The following EIPR1 variants were observed in gnomAD, a reference collection of about 807,000 sequenced individuals.
EIPR1 encodes the protein EARP complex and GARP complex interacting protein 1, also known as EARP and GARP complex-interacting protein 1.
A neutral mutation model predicts 48.1 loss-of-function variants in EIPR1; 25 were observed. That is an observed-to-expected ratio of 0.52 (90% CI 0.38 to 0.73). The LOEUF (loss-of-function observed/expected upper bound fraction) is 0.73, where lower values mean the gene tolerates loss of function less well. Among genes scored for constraint, EIPR1 ranks in the 30% least tolerant of loss-of-function variants. EIPR1 has a pLI of 0.00. For synonymous variants in EIPR1, 204 were observed against 201.9 expected, an observed-to-expected ratio of 1.01 and a Z score of -0.09; for missense variants, 415 against 506.2, an observed-to-expected ratio of 0.82 and a Z score of 1.73.
chr2:3,225,112 A>C (rs1311056711), intron 4 of EIPR1, among the ~76,000 whole-genome samples: 1 of 152,234 alleles, frequency 6.6e-6, no homozygotes, highest in East Asian at 1.9e-4. Context: ...CAATCAAAAC[A>C]AATTTGGAAA....
At chr2:3,289,185 C>T (rs1668294655) in intron 3 of EIPR1, among the ~76,000 whole-genome samples, 2 of 152,126 alleles carry the variant, frequency 1.3e-5, no homozygotes, top group South Asian at 2.1e-4. Context: ...ACCTCTTTGC[C>T]GCCTGCTTCC....
chr2:3,243,193 T>C (rs1224098663), intron 4 of EIPR1, among the ~76,000 whole-genome samples: 3 of 152,214 alleles, frequency 2.0e-5, no homozygotes, highest in South Asian at 4.1e-4. Context: ...AAAAGGAAGA[T>C]ACGGGCTGCA....
At chr2:3,214,600 G>A (rs1046530082) in intron 4 of EIPR1, 7 of 180,958 alleles carry the variant, frequency 3.9e-5, no homozygotes, top group East Asian at 1.5e-4. Context: ...CCCACTCATC[G>A]TCAGAGCCAG....
intron 3 of EIPR1, among the ~76,000 whole-genome samples, chr2:3,291,109 C>T (rs553829741): frequency 5.9e-5 from 9 of 152,168 alleles, no homozygotes; most frequent in Non-Finnish European, 7.3e-5. Context: ...GCCTCAGATG[C>T]GAGGCTGGAT....
intron 3 of EIPR1, among the ~76,000 whole-genome samples, chr2:3,265,718 G>T (rs1435157097): frequency 5.9e-5 from 9 of 152,206 alleles, no homozygotes; most frequent in Admixed American, 5.9e-4. Flanking sequence ...AACTGTGTCT[G>T]TGCCGACAGA....
intron 3 of EIPR1, among the ~76,000 whole-genome samples, chr2:3,294,408 T>C (rs1572405627): frequency 9.2e-6 from 1 of 108,956 alleles, no homozygotes; most frequent in Admixed American, 1.1e-4. Flanking sequence ...ACCCAGCCCA[T>C]CCTCTCCACA....
rs186834897 is a variant in EIPR1, at chr2:3,316,937, T to C, written c.259+21080A>G. ...CCACCAAGAGTCAGACGCACAGAAA[T>C]AGTGCATGTGTGAGCTGAGGATTCT... is the stretch of plus-strand genomic sequence containing the variant. On this transcript the variant is annotated intron_variant, in intron 3 of 8. Transcript: ENST00000382125. Among the ~76,000 whole-genome samples, 7 of 152,320 alleles carry C rather than the reference T, an allele frequency of 4.6e-5. No individual in the cohort carries two copies. In the East Asian group the frequency reaches 9.6e-4, roughly 21 times the overall value.
At chr2:3,368,350 C>A (rs1029242125) in intron 1 of EIPR1, among the ~76,000 whole-genome samples, 5 of 152,228 alleles carry the variant, frequency 3.3e-5, no homozygotes, top group Non-Finnish European at 7.3e-5. Context: ...AAGCCCAAGT[C>A]ATCATTGTCA....
At chr2:3,281,668 G>A (rs1009634242) in intron 3 of EIPR1, among the ~76,000 whole-genome samples, 1 of 152,176 alleles carries the variant, frequency 6.6e-6, no homozygotes, top group African/African-American at 2.4e-5. Flanking sequence ...GGTCAAGGCG[G>A]AAACAGCATT....
At chr2:3,252,107 T>C (rs1189380294) in intron 4 of EIPR1, among the ~76,000 whole-genome samples, 1 of 152,220 alleles carries the variant, frequency 6.6e-6, no homozygotes, top group Non-Finnish European at 1.5e-5. Context: ...GATATGGTTG[T>C]TGCAAAGCAT....
At chr2:3,226,842 A>T (rs1666081089) in intron 4 of EIPR1, among the ~76,000 whole-genome samples, 1 of 152,082 alleles carries the variant, frequency 6.6e-6, no homozygotes, top group Non-Finnish European at 1.5e-5. Context: ...GTCCCACAAG[A>T]TCTGATGGTT....
chr2:3,238,694 C>T (rs1410616262), intron 4 of EIPR1, among the ~76,000 whole-genome samples: 2 of 152,192 alleles, frequency 1.3e-5, no homozygotes, highest in Admixed American at 6.5e-5. Flanking sequence ...TTTGAACCTT[C>T]GCCGTTCATT....
At chr2:3,377,478 C>T (rs768841889) in intron 1 of EIPR1, 170 bp downstream of exon 1, 295 of 792,956 alleles carry the variant, frequency 3.7e-4, no homozygotes, top group Admixed American at 7.0e-4. Context: ...TCCAGTACAA[C>T]CGTTTAACCT....
chr2:3,375,262 G>A (rs1659835806), intron 1 of EIPR1, among the ~76,000 whole-genome samples: 1 of 149,266 alleles, frequency 6.7e-6, no homozygotes, highest in Non-Finnish European at 1.5e-5. Flanking sequence ...GATAGCATTA[G>A]GAGATATACC....
At chr2:3,304,272 G>A (rs1668846578) in intron 3 of EIPR1, among the ~76,000 whole-genome samples, 1 of 152,198 alleles carries the variant, frequency 6.6e-6, no homozygotes, top group African/African-American at 2.4e-5. Context: ...CCAGGGCTGA[G>A]GAACAAAGTG....
intron 3 of EIPR1, among the ~76,000 whole-genome samples, chr2:3,310,390 A>T (rs1045971425): frequency 4.6e-5 from 7 of 151,800 alleles, no homozygotes; most frequent in Non-Finnish European, 7.4e-5. Flanking sequence ...GCGGTGGCTC[A>T]CGCCTGTAAT....
intron 1 of EIPR1, among the ~76,000 whole-genome samples, chr2:3,355,009 A>AG (rs1257743634): frequency 6.6e-6 from 1 of 152,240 alleles, no homozygotes; most frequent in Non-Finnish European, 1.5e-5. Flanking sequence ...ATAGCAGAGT[A>AG]GGGGGTTTAA....
intron 3 of EIPR1, among the ~76,000 whole-genome samples, chr2:3,309,663 G>A (rs1400073222): frequency 1.3e-5 from 2 of 152,106 alleles, no homozygotes; most frequent in Non-Finnish European, 2.9e-5. Context: ...AAAACAGTGG[G>A]CGAGGGAGGT....
At chr2:3,322,381 CA>C (rs2103327059) in intron 3 of EIPR1, among the ~76,000 whole-genome samples, 1 of 152,204 alleles carries the variant, frequency 6.6e-6, no homozygotes, top group East Asian at 1.9e-4. Flanking sequence ...AACAAAAGCT[CA>C]AAAAATGTTT....
Sources: allele counts gnomAD v4.1 joint callset (sites outside exome capture counted in the v4.1 genomes callset), GRCh38; gene constraint gnomAD v4.1.1; transcripts MANE v1.5; gene names NCBI Gene and HGNC (gene_info 2026-07-23, HGNC 2026-07-21).